The following IFT46 variants were observed in gnomAD, a reference collection of about 807,000 sequenced individuals.
IFT46 encodes the protein intraflagellar transport 46, also known as intraflagellar transport protein 46 homolog.
In IFT46, 19 loss-of-function variants were observed where a neutral mutation model predicts 39.6. That is an observed-to-expected ratio of 0.48 (90% CI 0.33 to 0.70). The LOEUF (loss-of-function observed/expected upper bound fraction) is 0.70, where lower values mean the gene tolerates loss of function less well. Ranked by LOEUF, IFT46 falls within the 30% of genes least tolerant of loss-of-function variation. The pLI, the probability that IFT46 is intolerant of heterozygous loss-of-function variation, is 0.01. For synonymous variants in IFT46, 117 were observed against 134.8 expected (o/e 0.87, Z 0.91); for missense variants, 334 against 364.8 (o/e 0.92, Z 0.69).
At chr11:118,571,657 C>T (rs961343716) in intron 1 of IFT46, among the ~76,000 whole-genome samples, 1 of 152,154 alleles carries the variant, frequency 6.6e-6, no homozygotes, top group African/African-American at 2.4e-5. Flanking sequence ...GCATATTAGC[C>T]ATTTATATAT....
chr11:118,554,687 T>C (rs2135492278), intron 6 of IFT46, 100 bp from the exon 7 acceptor site: 2 of 1,272,882 alleles, frequency 1.6e-6, no homozygotes, highest in Non-Finnish European at 2.2e-6. Context: ...ATTAAAAGCA[T>C]GCTTATCATG....
chr11:118,573,707 C>G (rs1555072899), upstream of IFT46: 4 of 699,124 alleles, frequency 5.7e-6, no homozygotes, highest in Non-Finnish European at 1.0e-5. Context: ...ATTGACAACC[C>G]TTTAGATAAG....
upstream of IFT46, among the ~76,000 whole-genome samples, chr11:118,567,378 C>T (rs549092230): frequency 1.3e-5 from 2 of 152,238 alleles, no homozygotes; most frequent in East Asian, 3.9e-4. Context: ...AGTTCAAGAC[C>T]AGCCTGACCA....
chr11:118,575,847 A>G (rs1450924252), upstream of IFT46, among the ~76,000 whole-genome samples: 2 of 152,166 alleles, frequency 1.3e-5, no homozygotes, highest in African/African-American at 4.8e-5. Context: ...TGCACACACA[A>G]TTTGTTATGG....
At chr11:118,559,013 C>T (rs1454481399) in intron 3 of IFT46, among the ~76,000 whole-genome samples, 4 of 150,104 alleles carry the variant, frequency 2.7e-5, no homozygotes, top group African/African-American at 9.8e-5. Flanking sequence ...ATTACAGGCA[C>T]CCGCCACCAC....
rs532644583 is a variant in IFT46 at position 118,547,836 on chromosome 11, T to C, written c.673-1983A>G. Among the ~76,000 whole-genome samples, 57 of 146,288 alleles carry C rather than the reference T, an allele frequency of 3.9e-4. 2 individuals carry two copies. The highest frequency in any genetic ancestry group is 7.5e-4 in the Non-Finnish European group (50 of 66,664). Reference sequence around the variant, plus strand: ...ATCTTGGCTCACTACAATCTCCGTCTCCCGGGTTCACGCCATTCTCCTGCC... The same window carrying C: ...ATCTTGGCTCACTACAATCTCCGTCCCCCGGGTTCACGCCATTCTCCTGCC... On this transcript the variant is annotated intron_variant, in intron 9 of 11. Coordinates refer to ENST00000264021, the MANE Select transcript of IFT46 (RefSeq NM_001168618.2).
At chr11:118,553,234 G>A (rs1279203926) in intron 7 of IFT46, among the ~76,000 whole-genome samples, 1 of 152,132 alleles carries the variant, frequency 6.6e-6, no homozygotes, top group Non-Finnish European at 1.5e-5. Flanking sequence ...CTGAGGTCAG[G>A]AGTTCGAGAC....
At chr11:118,545,092 A>G (rs1951643994) in intron 11 of IFT46, 81 bp from the exon 12 acceptor site, 1 of 1,068,372 alleles carries the variant, frequency 9.4e-7, no homozygotes, top group Admixed American at 2.0e-5. Context: ...TTTCTTTAAA[A>G]TGAACCCCCT....
At chr11:118,558,593 G>A (rs1937921525) in intron 3 of IFT46, among the ~76,000 whole-genome samples, 1 of 151,614 alleles carries the variant, frequency 6.6e-6, no homozygotes, top group South Asian at 2.1e-4. Flanking sequence ...AGATGACTCT[G>A]TCTCAAAACA....
chr11:118,546,786 A>G (rs45623134), intron 9 of IFT46: 3,152 of 152,648 alleles, frequency 0.021, 58 homozygotes, highest in Middle Eastern at 0.044. Flanking sequence ...TAACAGTTAT[A>G]TATGCATTAC....
rs573881441 is a variant in IFT46, at chr11:118,560,735, T to C, written c.-35-871A>G. ...TAAGAATAAAGCCTACTTTAAGAGA[T>C]ACCAAGTGAAATTTAGAAGACGACG... is the stretch of plus-strand genomic sequence containing the variant. On this transcript the variant is annotated intron_variant, in intron 2 of 11. Transcript: ENST00000264021. The C allele has an allele frequency of 3.0e-3, 2,040 of 672,732 alleles. 8 individuals are homozygous for C. Among genetic ancestry groups the C allele is most frequent in the Non-Finnish European group, 4.2e-3 (1,576 of 372,824 alleles). The allele number at this position is 672,732 out of a possible 1,614,324, so 41.7% of individuals were successfully genotyped here. A position where few individuals can be genotyped will look rare whatever the true frequency, so the allele number is the denominator to read the frequency against.
In IFT46 at chr11:118,557,034, C is replaced by T; in HGVS notation, c.57G>A (p.Lys19=). ...CEEENNKEKK[K]TSQLTPQRGF... is the part of the protein sequence containing the mutation. ...CCCGTTGAGGTGTCAACTGTGAGGTCTTCTTCTTCTCCTGTGATAGGGCAG... is the reference window on the plus strand; with the variant it reads ...CCCGTTGAGGTGTCAACTGTGAGGTTTTCTTCTTCTCCTGTGATAGGGCAG... Residue 19 remains lysine (K), a synonymous_variant, in exon 4 of 12, where the codon AAG becomes AAA. Transcript: ENST00000264021. 1 of 1,594,084 alleles carries T rather than the reference C, an allele frequency of 6.3e-7. No individual in the cohort carries two copies. The highest frequency in any genetic ancestry group is 8.5e-7 in the Non-Finnish European group (1 of 1,174,018).
intron 2 of IFT46, among the ~76,000 whole-genome samples, chr11:118,563,261 G>C (rs895723603): frequency 6.6e-6 from 1 of 152,114 alleles, no homozygotes; most frequent in Admixed American, 6.5e-5. Flanking sequence ...GTAGAATAGT[G>C]GTTACCAGGG....
At chr11:118,551,319 G>A (rs1487858211) in intron 9 of IFT46, among the ~76,000 whole-genome samples, 2 of 151,972 alleles carry the variant, frequency 1.3e-5, no homozygotes, top group African/African-American at 2.4e-5. Flanking sequence ...GTTGCCGTGA[G>A]CTGAGATCAT....
intron 1 of IFT46, among the ~76,000 whole-genome samples, chr11:118,571,157 G>T (rs1234886430): frequency 6.6e-6 from 1 of 152,088 alleles, no homozygotes; most frequent in African/African-American, 2.4e-5. Context: ...TGTCTCTGTG[G>T]ATTTTCTTCT....
rs111532432 is a variant in IFT46, at chr11:118,560,792, T to C, written c.-35-928A>G. 5.4e-3 allele frequency: 3,890 copies of C among 725,686 alleles called. 115 individuals are homozygous for C. In the African/African-American group the frequency reaches 0.057, roughly 11 times the overall value. 45.0% of individuals were successfully genotyped at this position (725,686 alleles called of 1,614,324 possible). ...TAAAACTGGTTACTATCCTCAGAAATGCTTGGTGATACAGGATAAAAATAA... is the reference window on the plus strand; with the variant it reads ...TAAAACTGGTTACTATCCTCAGAAACGCTTGGTGATACAGGATAAAAATAA... On this transcript the variant is annotated intron_variant, in intron 2 of 11. Coordinates refer to ENST00000264021, the MANE Select transcript of IFT46 (RefSeq NM_001168618.2).
At chr11:118,572,404 C>G in intron 1 of IFT46, 1 of 386,644 alleles carries the variant, frequency 2.6e-6, no homozygotes, top group Non-Finnish European at 3.8e-6. Context: ...TGGCTTGGGG[C>G]CGCCATCTTG....
chr11:118,545,105 A>G, intron 11 of IFT46, 94 bp from the exon 12 acceptor site: 1 of 953,290 alleles, frequency 1.0e-6, no homozygotes, highest in Non-Finnish European at 1.6e-6. Context: ...AACCCCCTTT[A>G]TTTCCTTCCT....
Position 118,545,841 on chromosome 11 carries a change from TG to T in IFT46, c.684del (p.Thr229ArgfsTer14). ...FEELLGKVSL[P>X]TAEIDCSLAE... ...GCCAGGCTGCAATCAATCTCTGCCG[TG>T]GGCAGGCTTACCTGGAAGGGGCATG... On this transcript the variant is annotated frameshift_variant, in exon 10 of 12. Transcript: ENST00000264021. LOFTEE classifies it high-confidence loss of function. The T allele has an allele frequency of 1.2e-6, 2 of 1,614,112 alleles. No homozygotes were observed. The highest frequency in any genetic ancestry group is 2.7e-5 in the African/African-American group (2 of 75,040).
Sources: allele counts gnomAD v4.1 joint callset (sites outside exome capture counted in the v4.1 genomes callset), GRCh38; gene constraint gnomAD v4.1.1; transcripts MANE v1.5; gene names NCBI Gene and HGNC (gene_info 2026-07-23, HGNC 2026-07-21).